Variants in PDZRN3 observed in about 807,000 individuals in gnomAD.
PDZRN3 encodes PDZ domain containing ring finger 3.
A neutral mutation model predicts 85.7 loss-of-function variants in PDZRN3; 38 were observed. The ratio of observed to expected loss-of-function variants is 0.44; its 90% CI spans 0.34 to 0.58. The LOEUF (loss-of-function observed/expected upper bound fraction) is 0.58, where lower values mean the gene tolerates loss of function less well. PDZRN3 is among the 20% of genes least tolerant of loss of function. PDZRN3 has a pLI of 0.01. For missense variants in PDZRN3, 1,629 were observed against 1,506.4 expected (o/e 1.08, Z -1.35); for synonymous variants, 759 against 638.0 (o/e 1.19, Z -2.86).
intron 9 of PDZRN3, 39 bp from the exon 10 acceptor site, chr3:73,384,969 G>T (rs369028266): frequency 1.3e-6 from 2 of 1,549,782 alleles, no homozygotes; most frequent in Non-Finnish European, 1.7e-6. Context: ...AGTGAGGGAG[G>T]CCTGCGCAGC....
intron 5 of PDZRN3, among the ~76,000 whole-genome samples, chr3:73,396,223 C>A (rs6797469): frequency 0.65 from 97,682 of 149,472 alleles, 31,777 homozygotes; most frequent in East Asian, 0.86. Flanking sequence ...TCAAAACAAA[C>A]AAAAAAAAAA....
chr3:73,487,917 T>C (rs777435408), intron 3 of PDZRN3, among the ~76,000 whole-genome samples: 2 of 148,860 alleles, frequency 1.3e-5, no homozygotes, highest in Admixed American at 6.6e-5. Flanking sequence ...ATGAGAACCC[T>C]AGAAACCATT....
At chr3:73,462,787 C>T (rs1703135711) in intron 3 of PDZRN3, among the ~76,000 whole-genome samples, 1 of 152,142 alleles carries the variant, frequency 6.6e-6, no homozygotes, top group Non-Finnish European at 1.5e-5. Flanking sequence ...CAGGGACCAC[C>T]CTAAGCTCTT....
intron 3 of PDZRN3, among the ~76,000 whole-genome samples, chr3:73,429,921 G>T (rs1702396694): frequency 6.6e-6 from 1 of 152,148 alleles, no homozygotes; most frequent in African/African-American, 2.4e-5. Flanking sequence ...TTCTCAGGAG[G>T]TACCACGTAG....
chr3:73,455,817 A>G (rs1428925709), intron 3 of PDZRN3, among the ~76,000 whole-genome samples: 1 of 152,206 alleles, frequency 6.6e-6, no homozygotes, highest in East Asian at 1.9e-4. Flanking sequence ...CGCTAGGCCA[A>G]CTGTCCTCCT....
chr3:73,511,239 C>G (rs935616025), intron 3 of PDZRN3, among the ~76,000 whole-genome samples: 6 of 152,130 alleles, frequency 3.9e-5, no homozygotes, highest in South Asian at 4.2e-4. Flanking sequence ...CTCTGACACT[C>G]TCACCATCAG....
At chr3:73,433,594 G>T in intron 3 of PDZRN3, 1 of 1,305,564 alleles carries the variant, frequency 7.7e-7, no homozygotes, top group Non-Finnish European at 1.1e-6. Flanking sequence ...CACTTGGCCA[G>T]GTGGGTGCCT....
intron 3 of PDZRN3, among the ~76,000 whole-genome samples, chr3:73,445,090 T>C (rs1236862530): frequency 2.6e-5 from 4 of 152,170 alleles, no homozygotes; most frequent in African/African-American, 7.2e-5. Flanking sequence ...GGGGCAGAGA[T>C]AGGGAGAGCC....
chr3:73,417,939 G>C (rs543033195), intron 3 of PDZRN3, among the ~76,000 whole-genome samples: 1 of 152,336 alleles, frequency 6.6e-6, no homozygotes, highest in African/African-American at 2.4e-5. Flanking sequence ...ACTAACAGTG[G>C]AGACATCTAC....
chr3:73,385,193 T>G (rs185231224), intron 9 of PDZRN3, among the ~76,000 whole-genome samples: 98 of 152,306 alleles, frequency 6.4e-4, no homozygotes, highest in South Asian at 1.9e-3. Context: ...TGAATGATTC[T>G]CAATGATTCT....
In PDZRN3 at chr3:73,598,610, G is replaced by C. The variant is rs548255389; in HGVS notation, c.918+3744C>G. Among the ~76,000 whole-genome samples the C allele has an allele frequency of 9.8e-5, 15 of 152,288 alleles. No homozygotes were observed. In the South Asian group the frequency reaches 2.9e-3, roughly 29 times the overall value. On this transcript the variant is annotated intron_variant, in intron 3 of 9. Coordinates refer to ENST00000263666, the MANE Select transcript of PDZRN3 (RefSeq NM_015009.3). ...GGGCAGATGGACACACAGGATTCCA[G>C]GGGACAGCATGGGCCCTGCAGCCAT...
rs775196601 is a variant in PDZRN3 at position 73,383,434 on chromosome 3, TAA to T, written c.3130_3131del (p.Leu1044AsnfsTer11). The T allele has an allele frequency of 6.2e-7, 1 of 1,614,190 alleles. No homozygotes were observed. Among genetic ancestry groups the T allele is most frequent in the Non-Finnish European group, 8.5e-7 (1 of 1,180,010 alleles). ...CGTCCGGGGATTTTGTGCCGTGGGT[TAA>T]GAGTTCTTGGATCGTCATCCAGTTA... Reference protein sequence around the residue: ...FDNWMTIQELLTHGTKSPDGT... With the variant: ...FDNWMTIQELXTHGTKSPDGT... On this transcript the variant is annotated frameshift_variant, in exon 10 of 10. Transcript: ENST00000263666. LOFTEE classifies it high-confidence loss of function.
chr3:73,403,156 C>A (rs1701788157), intron 4 of PDZRN3, among the ~76,000 whole-genome samples: 1 of 152,110 alleles, frequency 6.6e-6, no homozygotes, highest in Non-Finnish European at 1.5e-5. Context: ...CCGTGTTAAC[C>A]AGGATGGTCT....
At chr3:73,570,082 A>T (rs1250953845) in intron 3 of PDZRN3, among the ~76,000 whole-genome samples, 1 of 152,140 alleles carries the variant, frequency 6.6e-6, no homozygotes, top group Non-Finnish European at 1.5e-5. Flanking sequence ...CCGCTGACAC[A>T]TTATATATTT....
At chr3:73,396,817 T>C (rs1336517459) in intron 5 of PDZRN3, among the ~76,000 whole-genome samples, 1 of 152,148 alleles carries the variant, frequency 6.6e-6, no homozygotes, top group African/African-American at 2.4e-5. Context: ...TGTATTTTCT[T>C]TCTTAATTGC....
intron 3 of PDZRN3, among the ~76,000 whole-genome samples, chr3:73,529,486 C>T (rs1704604588): frequency 1.3e-5 from 2 of 152,210 alleles, no homozygotes; most frequent in South Asian, 4.1e-4. Context: ...AGAACGTTTG[C>T]ACTGCCACCT....
rs575958294 is a variant in PDZRN3 at position 73,383,731 on chromosome 3, C to G, written c.2835G>C (p.Glu945Asp). ...KRPVRDRLLR[E>D]RALKIREERS... Reference sequence around the variant, plus strand: ...GCTCTTCCCGGATCTTCAGGGCGCGCTCCCGCAGCAGGCGGTCCCGCACGG... The same window carrying G: ...GCTCTTCCCGGATCTTCAGGGCGCGGTCCCGCAGCAGGCGGTCCCGCACGG... The change falls in exon 10 of 10, where the codon GAG becomes GAC. Residue 945 changes from glutamate (E) to aspartate (D), a missense_variant. Glu to Asp is a conservative substitution (Grantham distance 45). Coordinates refer to ENST00000263666, the MANE Select transcript of PDZRN3 (RefSeq NM_015009.3). 1.2e-6 allele frequency: 2 copies of G among 1,612,016 alleles called. No individual in the cohort carries two copies. Among genetic ancestry groups the G allele is most frequent in the African/African-American group, 2.7e-5 (2 of 75,066 alleles).
At chr3:73,494,979 C>T (rs999033391) in intron 3 of PDZRN3, among the ~76,000 whole-genome samples, 1 of 152,072 alleles carries the variant, frequency 6.6e-6, no homozygotes, top group Non-Finnish European at 1.5e-5. Flanking sequence ...ATTGGGTACT[C>T]GTGGACATAA....
rs573385957 is a variant in PDZRN3 at position 73,462,493 on chromosome 3, G to T, written c.919-58098C>A. On this transcript the variant is annotated intron_variant, in intron 3 of 9. Coordinates refer to ENST00000263666, the MANE Select transcript of PDZRN3 (RefSeq NM_015009.3). Reference sequence around the variant, plus strand: ...CTGGGAGGCAGAGCTTGCCGTGAGTGAGATTGCGCCACTGCACTCCAGCTT... The same window carrying T: ...CTGGGAGGCAGAGCTTGCCGTGAGTTAGATTGCGCCACTGCACTCCAGCTT... Among the ~76,000 whole-genome samples, 39 of 138,166 alleles carry T rather than the reference G, an allele frequency of 2.8e-4. No individual in the cohort carries two copies. The Admixed American group carries it at 3.0e-3, about 11-fold the overall frequency. 90.6% of individuals were successfully genotyped at this position (138,166 alleles called of 152,430 possible).
Sources: allele counts gnomAD v4.1 joint callset (sites outside exome capture counted in the v4.1 genomes callset), GRCh38; gene constraint gnomAD v4.1.1; transcripts MANE v1.5; gene names NCBI Gene and HGNC (gene_info 2026-07-23, HGNC 2026-07-21).